Variants in RNF25 observed in about 807,000 individuals in gnomAD.
RNF25 encodes the protein E3 ubiquitin-protein ligase RNF25.
A neutral mutation model predicts 65.0 loss-of-function variants in RNF25; 32 were observed. The ratio of observed to expected loss-of-function variants is 0.49; its 90% CI spans 0.37 to 0.66. The LOEUF (loss-of-function observed/expected upper bound fraction) is 0.66. Among genes scored for constraint, RNF25 ranks in the 30% least tolerant of loss-of-function variants. The pLI is 0.00. For missense variants in RNF25, 493 were observed against 584.8 expected, an observed-to-expected ratio of 0.84 and a Z score of 1.62; for synonymous variants, 207 against 221.2, an observed-to-expected ratio of 0.94 and a Z score of 0.57.
Position 218,664,079 on chromosome 2 carries a change from A to G in RNF25, c.1258T>C (p.Trp420Arg). The change falls in exon 10 of 10, where the codon TGG (tryptophan) becomes CGG (arginine). Residue 420 changes from tryptophan (W) to arginine (R), a missense_variant. Trp to Arg is a moderately radical substitution (Grantham distance 101, BLOSUM62 -3). Transcript: ENST00000295704. The surrounding 1 kb of genome is among the most constrained non-coding windows in gnomAD (Gnocchi z 5.1). ...GGTGTCCGGCCTTTAGAGCGCTCCC[A>G]GCGAACACAGTCCCGAGTCCTGCGG... The part of the protein sequence containing the change: ...PPRRTRDCVR[W>R]ERSKGRTPGS... 2 of 1,514,614 alleles carry G rather than the reference A, an allele frequency of 1.3e-6. No individual in the cohort carries two copies. Among genetic ancestry groups the G allele is most frequent in the Non-Finnish European group, 1.8e-6 (2 of 1,132,914 alleles). The allele number at this position is 1,514,614 out of a possible 1,614,324, so 93.8% of individuals were successfully genotyped here. A position where few individuals can be genotyped will look rare whatever the true frequency, so the allele number is the denominator to read the frequency against.
intron 7 of RNF25, 120 bp from the exon 8 acceptor site, chr2:218,665,367 C>T (rs34683377): frequency 0.041 from 33,548 of 808,694 alleles, 976 homozygotes; most frequent in East Asian, 0.11. Context: ...ACCGGTTCAG[C>T]AGTGAGTTGG....
In RNF25 at chr2:218,664,316, T is replaced by TG. The variant is rs745474265; in HGVS notation, c.1020dup (p.Lys341GlnfsTer24). 1.2e-6 allele frequency: 2 copies of TG among 1,613,894 alleles called. No homozygotes were observed. The highest frequency in any genetic ancestry group is 1.7e-5 in the Admixed American group (1 of 60,014). ...TGTCGCCAGGGACCTCGACTGGGCT[T>TG]GGGGGGATCTAGCATAGCTTTCTGG... On this transcript the variant is annotated frameshift_variant, in exon 10 of 10. Coordinates refer to ENST00000295704, the MANE Select transcript of RNF25 (RefSeq NM_022453.3). LOFTEE classifies it high-confidence loss of function. The surrounding 1 kb of genome is among the most constrained non-coding windows in gnomAD (Gnocchi z 5.1).
At chr2:218,671,290 A>G (rs1193194513) in intron 1 of RNF25, among the ~76,000 whole-genome samples, 1 of 152,014 alleles carries the variant, frequency 6.6e-6, no homozygotes, top group African/African-American at 2.4e-5. Context: ...AGCTGAGGAC[A>G]CTGACTCACA....
chr2:218,665,094 A>G (rs1189305156), intron 8 of RNF25, 61 bp downstream of exon 8: 2 of 1,547,404 alleles, frequency 1.3e-6, no homozygotes, highest in Admixed American at 3.4e-5. Flanking sequence ...ACAAGATGCC[A>G]TTCCTTACTC....
chr2:218,663,946 A>G lies in RNF25; in HGVS notation c.*11T>C. On this transcript the variant is annotated 3_prime_UTR_variant, in exon 10 of 10. Coordinates refer to ENST00000295704, the MANE Select transcript of RNF25 (RefSeq NM_022453.3). ...CCATCCCCAATTCCCTGTTCCCCCC[A>G]CCAAGTCCTGCTAGGAACCATCCTT... 7.0e-7 allele frequency: 1 copy of G among 1,428,170 alleles called. No homozygotes were observed. The highest frequency in any genetic ancestry group is 9.2e-7 in the Non-Finnish European group (1 of 1,087,922). The allele number at this position is 1,428,170 out of a possible 1,614,324, so 88.5% of individuals were successfully genotyped here.
Position 218,663,893 on chromosome 2 carries a change from A to G in RNF25, c.*64T>C, listed in dbSNP as rs1360365142. 3 of 1,306,880 alleles carry G rather than the reference A, an allele frequency of 2.3e-6. No individual in the cohort carries two copies. Among genetic ancestry groups the G allele is most frequent in the African/African-American group, 1.5e-5 (1 of 67,502 alleles). 81.0% of individuals were successfully genotyped at this position (1,306,880 alleles called of 1,614,324 possible). ...CGCTGCTAAGCAAAGAAAGCCAAAG[A>G]AGGCCAAATATCTTTATTGCCTCCC... On this transcript the variant is annotated 3_prime_UTR_variant, in exon 10 of 10. Coordinates refer to ENST00000295704, the MANE Select transcript of RNF25 (RefSeq NM_022453.3).
intron 1 of RNF25, among the ~76,000 whole-genome samples, chr2:218,669,054 C>T (rs955522252): frequency 1.3e-5 from 2 of 152,188 alleles, no homozygotes; most frequent in African/African-American, 2.4e-5. Flanking sequence ...TTAGCATTAA[C>T]GTTACCAATA....
Position 218,664,047 on chromosome 2 carries a change from A to G in RNF25, c.1290T>C (p.Ser430=). The change falls in exon 10 of 10, where the codon TCT becomes TCC. Residue 430 remains serine, a synonymous_variant. Coordinates refer to ENST00000295704, the MANE Select transcript of RNF25 (RefSeq NM_022453.3). This position sits in a 1 kb window ranked among gnomAD's most constrained non-coding sequence, Gnocchi z 5.1. The part of the protein sequence containing the change: ...WERSKGRTPG[S]SYPRLPRGQG... ...GGCCCCGAGGCAGGCGAGGGTAGGAAGAACCGGGTGTCCGGCCTTTAGAGC... is the reference window on the plus strand; with the variant it reads ...GGCCCCGAGGCAGGCGAGGGTAGGAGGAACCGGGTGTCCGGCCTTTAGAGC... The G allele has an allele frequency of 1.3e-6, 2 of 1,502,494 alleles. No individual in the cohort carries two copies. Among genetic ancestry groups the G allele is most frequent in the South Asian group, 2.8e-5 (2 of 70,486 alleles). 93.1% of individuals were successfully genotyped at this position (1,502,494 alleles called of 1,614,324 possible).
intron 1 of RNF25, among the ~76,000 whole-genome samples, chr2:218,669,983 TG>T: frequency 6.7e-6 from 1 of 150,298 alleles, no homozygotes; most frequent in Non-Finnish European, 1.5e-5. Flanking sequence ...GAGGCTGAGG[TG>T]GGAGGATCAC....
rs777584627 is a variant in RNF25 at position 218,666,139 on chromosome 2, G to C, written c.429+20C>G. Reference sequence around the variant, plus strand: ...CTGCTGGTCCCAAACAGAATGCCAGGTCCCAAGAGAGAAACCCACCTGGAA... The same window carrying C: ...CTGCTGGTCCCAAACAGAATGCCAGCTCCCAAGAGAGAAACCCACCTGGAA... On this transcript the variant is annotated intron_variant, in intron 6 of 9. Transcript: ENST00000295704. 2.5e-6 allele frequency: 4 copies of C among 1,613,048 alleles called. No individual in the cohort carries two copies. The highest frequency in any genetic ancestry group is 1.7e-6 in the Non-Finnish European group (2 of 1,179,062).
intron 1 of RNF25, among the ~76,000 whole-genome samples, chr2:218,670,980 C>T (rs1939950791): frequency 6.6e-6 from 1 of 152,164 alleles, no homozygotes; most frequent in East Asian, 1.9e-4. Context: ...CAAGACCAGT[C>T]TGGCCAACAT....
chr2:218,668,470 A>T (rs1939884161), intron 2 of RNF25, 129 bp from the exon 3 acceptor site: 9 of 979,992 alleles, frequency 9.2e-6, no homozygotes, highest in Middle Eastern at 2.3e-4. Context: ...GGTAGGATTA[A>T]AGGAATAGCT....
chr2:218,665,037 G>A (rs970767181), intron 8 of RNF25, 118 bp downstream of exon 8: 4 of 1,426,250 alleles, frequency 2.8e-6, no homozygotes, highest in African/African-American at 1.4e-5. Context: ...TTTGCAGAGA[G>A]GTCCTAGGCA....
chr2:218,670,200 T>TAAAA (rs71403058), intron 1 of RNF25, among the ~76,000 whole-genome samples: 1 of 120,688 alleles, frequency 8.3e-6, no homozygotes, highest in Non-Finnish European at 1.8e-5. Flanking sequence ...CTCTGTCTCT[T>TAAAA]AAAAAAAAAA....
rs567195128 is a variant in RNF25 at position 218,665,973 on chromosome 2, C to A, written c.516G>T (p.Glu172Asp). The change falls in exon 7 of 10, where the codon GAG (glutamate) becomes GAT (aspartate). Residue 172 changes from glutamate to aspartate, a missense_variant. Glu to Asp is a conservative substitution (Grantham distance 45). Around this residue, in one of 3 missense-constraint regions of RNF25, gnomAD observed 351 missense variants for 400.2 expected, o/e 0.88. Transcript: ENST00000295704. ...LARYIQHMEQ[E>D]LKAQGQEQEQ... The stretch of plus-strand genomic sequence containing the variant: ...CCTGCTCCTGTCCTTGTGCCTTCAG[C>A]TCTTGCTCCATGTGCTGGATGTACC... The A allele has an allele frequency of 2.2e-5, 36 of 1,614,212 alleles. No individual in the cohort carries two copies. In the South Asian group the frequency reaches 3.7e-4, roughly 17 times the overall value.
Position 218,668,250 on chromosome 2 carries a change from C to T in RNF25, c.208G>A (p.Val70Ile), listed in dbSNP as rs746079121. The change falls in exon 3 of 10, where the codon GTC (valine) becomes ATC (isoleucine). Residue 70 changes from valine (V) to isoleucine (I), a missense_variant. Physicochemically the swap from Val to Ile is conservative, Grantham distance 29. Transcript: ENST00000295704. The part of the protein sequence containing the change: ...QYVCFTLVLQ[V>I]PAEYPHEVPQ... ...AGTAGGGGCTTCACCTCTGCTGGGACCTGAAGCACCAGAGTGAAGCAGACA... is the reference window on the plus strand; with the variant it reads ...AGTAGGGGCTTCACCTCTGCTGGGATCTGAAGCACCAGAGTGAAGCAGACA... 6.2e-7 allele frequency: 1 copy of T among 1,613,924 alleles called. No homozygotes were observed. The highest frequency in any genetic ancestry group is 1.3e-5 in the African/African-American group (1 of 74,904).
intron 1 of RNF25, among the ~76,000 whole-genome samples, chr2:218,671,675 G>C (rs996670793): frequency 6.6e-6 from 1 of 152,180 alleles, no homozygotes; most frequent in Non-Finnish European, 1.5e-5. Flanking sequence ...CGTGAAGCTG[G>C]AGGAAAAGGG....
intron 2 of RNF25, 103 bp downstream of exon 2, chr2:218,668,499 ATAT>A (rs1939885137): frequency 3.9e-6 from 4 of 1,013,850 alleles, no homozygotes; most frequent in Admixed American, 3.4e-5. Flanking sequence ...CACAAGAGAA[ATAT>A]TATCTCTGAA....
At chr2:218,669,763 G>T (rs927220753) in intron 1 of RNF25, among the ~76,000 whole-genome samples, 1 of 152,222 alleles carries the variant, frequency 6.6e-6, no homozygotes, top group Non-Finnish European at 1.5e-5. Context: ...TGTCAGTGTT[G>T]TTAAGTCTTA....
Sources: allele counts gnomAD v4.1 joint callset (sites outside exome capture counted in the v4.1 genomes callset), GRCh38; gene constraint gnomAD v4.1.1; regional missense constraint gnomAD v4.1.1; non-coding constraint Gnocchi (gnomAD v3.1); transcripts MANE v1.5; gene names NCBI Gene and HGNC (gene_info 2026-07-23, HGNC 2026-07-21).